TCF7L1: variants seen among roughly 807,000 people sequenced by gnomAD.
The protein encoded by TCF7L1 is transcription factor 7 like 1, also known as transcription factor 7-like 1.
In TCF7L1, 18 loss-of-function variants were observed where a neutral mutation model predicts 63.7. That is an observed-to-expected ratio of 0.28 (90% CI 0.20 to 0.42). TCF7L1 has a LOEUF of 0.42. TCF7L1 is among the 10% of genes least tolerant of loss of function. The pLI is 1.00. For missense variants in TCF7L1, 654 were observed against 779.3 expected (o/e 0.84, Z 1.91); for synonymous variants, 355 against 340.9 (o/e 1.04, Z -0.46).
intron 3 of TCF7L1, among the ~76,000 whole-genome samples, chr2:85,178,025 G>A (rs1299002583): frequency 6.6e-6 from 1 of 152,156 alleles, no homozygotes. Context: ...TACTGACAGA[G>A]AGCAAGCAGA....
chr2:85,242,829 G>A lies in TCF7L1; in HGVS notation c.442-40666G>A, dbSNP rs189236999. On this transcript the variant is annotated intron_variant, in intron 3 of 11. Transcript: ENST00000282111. The stretch of plus-strand genomic sequence containing the variant: ...AGGGCCTCTATATCCCCTTTTCTCT[G>A]CCTCCCTATTGAAGCAGATGTTTTA... Among the ~76,000 whole-genome samples, 180 of 152,054 alleles carry A rather than the reference G, an allele frequency of 1.2e-3. 3 individuals are homozygous for A. Among genetic ancestry groups the A allele is most frequent in the African/African-American group, 3.9e-3 (163 of 41,450 alleles).
intron 3 of TCF7L1, among the ~76,000 whole-genome samples, chr2:85,264,310 G>T (rs765952883): frequency 6.6e-6 from 1 of 152,188 alleles, no homozygotes; most frequent in African/African-American, 2.4e-5. Flanking sequence ...GGAAAATCAA[G>T]GTGGATCAAA....
At chr2:85,242,730 C>T (rs1011214453) in intron 3 of TCF7L1, among the ~76,000 whole-genome samples, 4 of 152,208 alleles carry the variant, frequency 2.6e-5, no homozygotes, top group African/African-American at 9.6e-5. Context: ...CCCTTCCACA[C>T]GGGATGTGTT....
At chr2:85,211,772 CA>C (rs967478676) in intron 3 of TCF7L1, among the ~76,000 whole-genome samples, 14 of 152,032 alleles carry the variant, frequency 9.2e-5, no homozygotes, top group Admixed American at 2.0e-4. Flanking sequence ...AGTGATTTTA[CA>C]AAGTTAAAAA....
At chr2:85,264,836 G>C (rs1008267542) in intron 3 of TCF7L1, among the ~76,000 whole-genome samples, 1 of 152,146 alleles carries the variant, frequency 6.6e-6, no homozygotes, top group African/African-American at 2.4e-5. Context: ...ATGTGCTAAC[G>C]CCGTTAGGAG....
At position 85,269,061 on chromosome 2, in the gene TCF7L1, T is replaced by C. The variant is rs577494453; in HGVS notation, c.442-14434T>C. Among the ~76,000 whole-genome samples the C allele has an allele frequency of 8.5e-5, 13 of 152,222 alleles. 1 individual carries two copies. The South Asian group carries it at 2.7e-3, about 32-fold the overall frequency. On this transcript the variant is annotated intron_variant, in intron 3 of 11. Coordinates refer to ENST00000282111, the MANE Select transcript of TCF7L1 (RefSeq NM_031283.3). ...TACATGAGAAGAGAGAGATGGTAGA[T>C]CTCGGTGAGAAGCAATTTGGGAAGA...
At chr2:85,198,261 T>C (rs949906356) in intron 3 of TCF7L1, among the ~76,000 whole-genome samples, 1 of 152,206 alleles carries the variant, frequency 6.6e-6, no homozygotes, top group South Asian at 2.1e-4. Flanking sequence ...ATAAAACAGC[T>C]GAGTGAGAAA....
intron 3 of TCF7L1, among the ~76,000 whole-genome samples, chr2:85,268,767 T>TAA (rs61701088): frequency 7.2e-6 from 1 of 139,244 alleles, no homozygotes; most frequent in African/African-American, 2.7e-5. Flanking sequence ...AGCGGCAGGT[T>TAA]AAAAAAAAAA....
chr2:85,227,667 A>C (rs1206542426), intron 3 of TCF7L1, among the ~76,000 whole-genome samples: 2 of 151,906 alleles, frequency 1.3e-5, no homozygotes, highest in African/African-American at 4.8e-5. Flanking sequence ...CACTTATTTG[A>C]GTGTATATGG....
chr2:85,153,915 A>T (rs191602551), intron 3 of TCF7L1, among the ~76,000 whole-genome samples: 1 of 152,296 alleles, frequency 6.6e-6, no homozygotes, highest in East Asian at 1.9e-4. Context: ...TTCCTCTTAG[A>T]CATTTTAGGT....
At chr2:85,299,936 A>G (rs1162011023) in intron 4 of TCF7L1, among the ~76,000 whole-genome samples, 2 of 139,464 alleles carry the variant, frequency 1.4e-5, no homozygotes, top group Non-Finnish European at 3.1e-5. Context: ...GAAAGGAGAT[A>G]TGCCAAAATG....
At position 85,305,157 on chromosome 2, in the gene TCF7L1, A is replaced by G. The variant is rs1682077053; in HGVS notation, c.846-103A>G. 9.3e-6 allele frequency: 14 copies of G among 1,498,736 alleles called. No homozygotes were observed. The Admixed American group carries it at 1.7e-4, about 18-fold the overall frequency. 92.8% of individuals were successfully genotyped at this position (1,498,736 alleles called of 1,614,324 possible). On this transcript the variant is annotated intron_variant, in intron 7 of 11. Transcript: ENST00000282111. ...CTAGTCCTGAGACTCTGCCCCACGGACATGCCTGTGCCCTTAAGGCAGAGA... is the reference window on the plus strand; with the variant it reads ...CTAGTCCTGAGACTCTGCCCCACGGGCATGCCTGTGCCCTTAAGGCAGAGA...
At chr2:85,294,306 G>T (rs1463553403) in intron 4 of TCF7L1, among the ~76,000 whole-genome samples, 2 of 152,098 alleles carry the variant, frequency 1.3e-5, no homozygotes, top group African/African-American at 4.8e-5. Flanking sequence ...AAAGTGCTGG[G>T]ATTACAGGCG....
rs111659715 is a variant in TCF7L1 at position 85,217,724 on chromosome 2, G to A, written c.442-65771G>A. Among the ~76,000 whole-genome samples, 757 of 152,270 alleles carry A rather than the reference G, an allele frequency of 5.0e-3. 1 individual carries two copies. The highest frequency in any genetic ancestry group is 7.7e-3 in the Admixed American group (118 of 15,296). On this transcript the variant is annotated intron_variant, in intron 3 of 11. Coordinates refer to ENST00000282111, the MANE Select transcript of TCF7L1 (RefSeq NM_031283.3). Reference sequence around the variant, plus strand: ...GTATCCCTTATCCAAAATGTTTGGGGCCAGAAGTGTTTCGCAGTTTTGGAA... The same window carrying A: ...GTATCCCTTATCCAAAATGTTTGGGACCAGAAGTGTTTCGCAGTTTTGGAA...
At chr2:85,161,441 G>T (rs1218374848) in intron 3 of TCF7L1, among the ~76,000 whole-genome samples, 1 of 152,188 alleles carries the variant, frequency 6.6e-6, no homozygotes. Context: ...GTGAGCAAGG[G>T]AGGTGCTTCG....
intron 3 of TCF7L1, among the ~76,000 whole-genome samples, chr2:85,214,406 C>T (rs761553163): frequency 7.2e-5 from 11 of 152,114 alleles, no homozygotes; most frequent in Non-Finnish European, 1.0e-4. Flanking sequence ...CAGTGCCAGC[C>T]GATAGGACTA....
chr2:85,221,710 T>C (rs1320001957), intron 3 of TCF7L1, among the ~76,000 whole-genome samples: 1 of 152,204 alleles, frequency 6.6e-6, no homozygotes, highest in Admixed American at 6.5e-5. Flanking sequence ...AAGTTTCCAC[T>C]TCTCAACACT....
intron 3 of TCF7L1, among the ~76,000 whole-genome samples, chr2:85,206,980 G>A (rs1026351542): frequency 1.1e-4 from 17 of 152,148 alleles, no homozygotes; most frequent in African/African-American, 1.4e-4. Flanking sequence ...GTGTTAAGGC[G>A]CGTGCGTGGT....
intron 3 of TCF7L1, among the ~76,000 whole-genome samples, chr2:85,231,144 C>T (rs571534871): frequency 1.3e-5 from 2 of 152,264 alleles, no homozygotes; most frequent in Admixed American, 6.5e-5. Context: ...GTCTAATGTG[C>T]GCCCCCAGGA....
Sources: gnomAD v4.1 joint callset for allele counts (sites outside exome capture counted in the v4.1 genomes callset) on GRCh38, gnomAD v4.1.1 for gene constraint, MANE v1.5 for transcripts, NCBI Gene and HGNC (gene_info 2026-07-23, HGNC 2026-07-21) for gene names.